NCALD: variants seen among roughly 807,000 people sequenced by gnomAD.
NCALD encodes the protein neurocalcin-delta.
Under a neutral mutation model 18.6 loss-of-function variants are expected in NCALD, and 10 were observed. The observed-to-expected ratio is 0.54, with a 90% CI of 0.33 to 0.91. The LOEUF (loss-of-function observed/expected upper bound fraction) is 0.91, where lower values mean the gene tolerates loss of function less well. Ranked by LOEUF, NCALD falls within the 40% of genes least tolerant of loss-of-function variation. NCALD has a pLI of 0.03. For synonymous variants in NCALD, 88 were observed against 87.4 expected, an observed-to-expected ratio of 1.01 and a Z score of -0.04; for missense variants, 184 against 247.6, an observed-to-expected ratio of 0.74 and a Z score of 1.72.
At chr8:101,725,745 C>A (rs1303330221) in intron 1 of NCALD, among the ~76,000 whole-genome samples, 1 of 152,224 alleles carries the variant, frequency 6.6e-6, no homozygotes, top group Non-Finnish European at 1.5e-5. Flanking sequence ...AGTAAGCAAG[C>A]CACACCCCTG....
At chr8:101,986,902 T>C (rs1260948420) in intron 2 of NCALD, among the ~76,000 whole-genome samples, 4 of 148,410 alleles carry the variant, frequency 2.7e-5, no homozygotes, top group African/African-American at 5.0e-5. Flanking sequence ...TTGATAAGAA[T>C]GTGAGGGGAG....
intron 2 of NCALD, among the ~76,000 whole-genome samples, chr8:101,694,869 GAA>G (rs1447342650): frequency 3.3e-5 from 5 of 152,140 alleles, no homozygotes; most frequent in African/African-American, 1.2e-4. Context: ...GCAAATGGGA[GAA>G]GAGAGGCCCT....
chr8:102,053,085 C>A (rs1253718109), intron 1 of NCALD, among the ~76,000 whole-genome samples: 2 of 152,178 alleles, frequency 1.3e-5, no homozygotes, highest in Non-Finnish European at 2.9e-5. Context: ...CTGGAGTGAA[C>A]TGTAGAATCC....
chr8:101,693,310 C>T (rs1415134891), intron 2 of NCALD: 1 of 145,388 alleles, frequency 6.9e-6, no homozygotes, highest in Non-Finnish European at 1.5e-5. Context: ...CTCCCCACCA[C>T]ACAGGGCGTT....
intron 1 of NCALD, among the ~76,000 whole-genome samples, chr8:101,742,768 T>C (rs988030541): frequency 3.9e-5 from 6 of 152,296 alleles, no homozygotes; most frequent in Middle Eastern, 3.4e-3. Flanking sequence ...TGTCAACCTA[T>C]TGCCTAGGTA....
chr8:102,068,668 T>A (rs1416877375), intron 1 of NCALD, among the ~76,000 whole-genome samples: 1 of 152,204 alleles, frequency 6.6e-6, no homozygotes, highest in Non-Finnish European at 1.5e-5. Flanking sequence ...TCTAGCTTTT[T>A]AAAAAGCATT....
chr8:101,794,349 T>G (rs1812556696), upstream of NCALD, among the ~76,000 whole-genome samples: 2 of 151,856 alleles, frequency 1.3e-5, no homozygotes, highest in African/African-American at 4.8e-5. Context: ...TGTTGAAGAG[T>G]AGAAAGAAAT....
intron 4 of NCALD, among the ~76,000 whole-genome samples, chr8:101,879,258 G>A (rs914781378): frequency 2.6e-5 from 4 of 152,166 alleles, no homozygotes; most frequent in Non-Finnish European, 2.9e-5. Flanking sequence ...AATTCCTAAA[G>A]ATGGTGTGTC....
intron 2 of NCALD, among the ~76,000 whole-genome samples, chr8:101,985,009 T>C (rs188262263): frequency 7.2e-5 from 11 of 152,252 alleles, no homozygotes; most frequent in Non-Finnish European, 1.2e-4. Flanking sequence ...GACATGGATT[T>C]TAAAGAACTA....
chr8:102,088,452 G>A (rs1451459025), intron 1 of NCALD, among the ~76,000 whole-genome samples: 1 of 152,006 alleles, frequency 6.6e-6, no homozygotes, highest in Non-Finnish European at 1.5e-5. Flanking sequence ...TTTAAAGACT[G>A]CTATGGTTAA....
At chr8:102,053,911 GTGATTCTT>G (rs2132231342) in intron 1 of NCALD, among the ~76,000 whole-genome samples, 1 of 152,288 alleles carries the variant, frequency 6.6e-6, no homozygotes, top group East Asian at 1.9e-4. Flanking sequence ...CTATACATAT[GTGATTCTT>G]ACACAGTTTG....
intron 2 of NCALD, among the ~76,000 whole-genome samples, chr8:101,923,605 G>A (rs544724928): frequency 1.6e-4 from 24 of 152,292 alleles, no homozygotes; most frequent in African/African-American, 3.8e-4. Context: ...GTAGCTGGCC[G>A]AATTTGCTTT....
chr8:102,080,502 A>C (rs1045389850), intron 1 of NCALD, among the ~76,000 whole-genome samples: 2 of 152,198 alleles, frequency 1.3e-5, no homozygotes, highest in Non-Finnish European at 2.9e-5. Flanking sequence ...TGGTCATAGA[A>C]CTTCAGGGGA....
intron 2 of NCALD, among the ~76,000 whole-genome samples, chr8:102,005,922 C>A (rs1007912293): frequency 6.6e-6 from 1 of 151,456 alleles, no homozygotes; most frequent in African/African-American, 2.4e-5. Context: ...GGAGATATAC[C>A]TAATGTAAAT....
At chr8:102,067,239 C>T (rs1311550705) in intron 1 of NCALD, among the ~76,000 whole-genome samples, 2 of 152,190 alleles carry the variant, frequency 1.3e-5, no homozygotes, top group Admixed American at 1.3e-4. Flanking sequence ...TTCTAGCACG[C>T]TGGCCTCTGA....
At chr8:101,781,517 C>A (rs1326466689) in intron 1 of NCALD, among the ~76,000 whole-genome samples, 1 of 152,152 alleles carries the variant, frequency 6.6e-6, no homozygotes, top group Non-Finnish European at 1.5e-5. Context: ...TTCACAATTG[C>A]CAGCAGCAAT....
At chr8:102,003,671 T>A (rs757863005) in intron 2 of NCALD, among the ~76,000 whole-genome samples, 54 of 152,198 alleles carry the variant, frequency 3.5e-4, no homozygotes, top group Non-Finnish European at 7.1e-4. Flanking sequence ...ATCAACAAGC[T>A]TATCCACCAT....
chr8:101,965,978 T>A (rs377612224), intron 2 of NCALD, among the ~76,000 whole-genome samples: 2 of 152,262 alleles, frequency 1.3e-5, no homozygotes, highest in East Asian at 3.9e-4. Context: ...AATAAAAGCT[T>A]TTGTATGTTA....
chr8:101,987,048 T>C (rs1056518310), intron 2 of NCALD, among the ~76,000 whole-genome samples: 3 of 152,266 alleles, frequency 2.0e-5, no homozygotes, highest in Admixed American at 2.0e-4. Flanking sequence ...TTATTATGTA[T>C]GAAGAAAGGT....
Sources: allele counts gnomAD v4.1 joint callset (sites outside exome capture counted in the v4.1 genomes callset), GRCh38; gene constraint gnomAD v4.1.1; transcripts MANE v1.5; gene names NCBI Gene and HGNC (gene_info 2026-07-23, HGNC 2026-07-21).